The following GAK variants were observed in gnomAD, a reference collection of about 807,000 sequenced individuals.
The protein encoded by GAK is cyclin G associated kinase.
In GAK, 79 loss-of-function variants were observed where a neutral mutation model predicts 143.9. That is an observed-to-expected ratio of 0.55 (90% CI 0.46 to 0.66). The LOEUF is 0.66. GAK is among the 30% of genes least tolerant of loss of function. The pLI is 0.00. For missense variants in GAK, 1,693 were observed against 1,779.7 expected (o/e 0.95, Z 0.88); for synonymous variants, 881 against 765.5 (o/e 1.15, Z -2.49).
intron 6 of GAK, 112 bp from the exon 7 acceptor site, chr4:896,661 T>C: frequency 2.5e-6 from 2 of 804,330 alleles, no homozygotes; most frequent in Non-Finnish European, 4.2e-6. Context: ...AGGGGCAGCC[T>C]GTCCCGCACA....
In GAK at chr4:893,903, G is replaced by A. The variant is rs200913305; in HGVS notation, c.848C>T (p.Thr283Met). 40 of 1,609,818 alleles carry A rather than the reference G, an allele frequency of 2.5e-5. No homozygotes were observed. In the African/African-American group the frequency reaches 4.3e-4, roughly 17 times the overall value. The change falls in exon 8 of 28, where the codon ACG (threonine) becomes ATG (methionine). Residue 283 changes from threonine to methionine, a missense_variant. Transcript: ENST00000314167. ...GAGGCTGTGGAAGACCGTGTACTGC[G>A]TGTCGTGCGGGGGGATCGAGTACTT... is the stretch of plus-strand genomic sequence containing the variant. ...NGKYSIPPHD[T>M]QYTVFHSLIR...
intron 1 of GAK, among the ~76,000 whole-genome samples, chr4:923,641 C>G (rs1724232910): frequency 6.6e-6 from 1 of 152,132 alleles, no homozygotes; most frequent in Non-Finnish European, 1.5e-5. Context: ...TGCCACTGCA[C>G]TCCAGCCTGG....
chr4:855,400 A>G (rs1200754598), intron 24 of GAK, among the ~76,000 whole-genome samples: 1 of 152,160 alleles, frequency 6.6e-6, no homozygotes, highest in Non-Finnish European at 1.5e-5. Flanking sequence ...TATAATTGCA[A>G]GTAAACAGAA....
chr4:911,814 G>T, intron 3 of GAK, 27 bp from the exon 4 acceptor site: 1 of 1,531,830 alleles, frequency 6.5e-7, no homozygotes, highest in Non-Finnish European at 9.0e-7. Flanking sequence ...AAAGGAGAAC[G>T]TACATAACCA....
At chr4:859,231 G>A (rs747651362) in intron 24 of GAK, 72 of 1,190,268 alleles carry the variant, frequency 6.0e-5, no homozygotes, top group Non-Finnish European at 7.2e-5. Context: ...CTCGGTTCTT[G>A]TGGCCGACAG....
chr4:868,773 C>T (rs561784623), intron 19 of GAK, 88 bp from the exon 20 acceptor site: 17 of 1,393,606 alleles, frequency 1.2e-5, no homozygotes, highest in Admixed American at 9.0e-5. Context: ...TGCAGCCAGG[C>T]GGGCGCCAGC....
Position 877,476 on chromosome 4 carries a change from G to T in GAK, c.1856+139C>A, listed in dbSNP as rs894865107. 6 of 882,800 alleles carry T rather than the reference G, an allele frequency of 6.8e-6. No individual in the cohort carries two copies. In the Admixed American group the frequency reaches 8.8e-5, roughly 13 times the overall value. 54.7% of individuals were successfully genotyped at this position (882,800 alleles called of 1,614,324 possible). On this transcript the variant is annotated intron_variant, in intron 16 of 27. Coordinates refer to ENST00000314167, the MANE Select transcript of GAK (RefSeq NM_005255.4). ...CCTGCTGCTGACCAGGATCCCAAGT[G>T]ACCTGCCACAGACGCCACAGTTCCA...
intron 24 of GAK, among the ~76,000 whole-genome samples, chr4:857,878 C>T (rs1259329016): frequency 6.6e-6 from 1 of 152,208 alleles, no homozygotes; most frequent in Non-Finnish European, 1.5e-5. Context: ...TTTTCCACAG[C>T]AAGCCCCCAC....
intron 24 of GAK, chr4:852,325 C>T (rs529339308): frequency 3.2e-5 from 11 of 346,058 alleles, no homozygotes; most frequent in African/African-American, 4.8e-5. Flanking sequence ...AAGGCAGACC[C>T]GGGGCTTGTC....
Position 911,656 on chromosome 4 carries a change from C to G in GAK, c.382+17G>C, listed in dbSNP as rs1722066919. 1 of 1,586,964 alleles carries G rather than the reference C, an allele frequency of 6.3e-7. No individual in the cohort carries two copies. The highest frequency in any genetic ancestry group is 2.2e-5 in the East Asian group (1 of 44,712). On this transcript the variant is annotated intron_variant, in intron 4 of 27. Transcript: ENST00000314167. ...GCTGGGTTAGATGGCACCAAGCCGG[C>G]CTTCACAGGACGTTACCTTTACAGA... is the stretch of plus-strand genomic sequence containing the variant.
intron 18 of GAK, among the ~76,000 whole-genome samples, 184 bp downstream of exon 18, chr4:876,346 C>T (rs896541703): frequency 1.4e-4 from 21 of 152,188 alleles, no homozygotes; most frequent in African/African-American, 4.3e-4. Context: ...CAGCAGCCAC[C>T]GGGTCCACCC....
intron 7 of GAK, among the ~76,000 whole-genome samples, chr4:895,987 T>C (rs1282034164): frequency 6.6e-6 from 1 of 152,112 alleles, no homozygotes. Flanking sequence ...TTGGGCAGGG[T>C]GCAGTGGCTC....
At chr4:909,897 T>A (rs979874994) in intron 4 of GAK, among the ~76,000 whole-genome samples, 1 of 152,124 alleles carries the variant, frequency 6.6e-6, no homozygotes, top group African/African-American at 2.4e-5. Flanking sequence ...TGGGGCTACC[T>A]GGCAGCATCT....
intron 24 of GAK, among the ~76,000 whole-genome samples, chr4:854,895 A>G (rs185464278): frequency 2.1e-3 from 318 of 152,298 alleles, no homozygotes; most frequent in African/African-American, 6.8e-3. Flanking sequence ...AATACAAAAA[A>G]TTAGCTGGGC....
intron 4 of GAK, among the ~76,000 whole-genome samples, chr4:910,857 A>G (rs1721931506): frequency 6.6e-6 from 1 of 152,058 alleles, no homozygotes; most frequent in Non-Finnish European, 1.5e-5. Context: ...CTGGCACAGG[A>G]GTTCTGGAGG....
Position 860,958 on chromosome 4 carries a change from T to C in GAK, c.3167-1236A>G, listed in dbSNP as rs1049775710. ...TGTCCCTGTGCCCCATTTTGGGAAC[T>C]GTAATGATATTTCAAACTTCTTCAT... On this transcript the variant is annotated intron_variant, in intron 23 of 27. Transcript: ENST00000314167. 2.6e-5 allele frequency among the ~76,000 whole-genome samples: 4 copies of C among 152,260 alleles called. No homozygotes were observed. The East Asian group carries it at 5.8e-4, about 22-fold the overall frequency.
intron 4 of GAK, among the ~76,000 whole-genome samples, chr4:909,162 T>G (rs1001430852): frequency 6.6e-6 from 1 of 152,268 alleles, no homozygotes. Context: ...CTGTGTTATT[T>G]GTATTTTGTC....
intron 9 of GAK, among the ~76,000 whole-genome samples, chr4:891,607 C>T (rs535074942): frequency 3.3e-4 from 50 of 152,196 alleles, no homozygotes; most frequent in Admixed American, 2.0e-3. Context: ...CTGAGGACCC[C>T]GCCCCATCAC....
intron 7 of GAK, among the ~76,000 whole-genome samples, chr4:896,046 G>A (rs889780232): frequency 2.6e-5 from 4 of 152,224 alleles, no homozygotes; most frequent in Admixed American, 1.3e-4. Flanking sequence ...TGGACCGCTT[G>A]AGCTCAGGAG....
Sources: allele counts gnomAD v4.1 joint callset (sites outside exome capture counted in the v4.1 genomes callset), GRCh38; gene constraint gnomAD v4.1.1; transcripts MANE v1.5; gene names NCBI Gene and HGNC (gene_info 2026-07-23, HGNC 2026-07-21).